Variants in LNX2 observed in about 807,000 individuals in gnomAD.
The protein encoded by LNX2 is ligand of numb-protein X 2.
LNX2 carries 35 observed loss-of-function variants against 66.2 expected under a neutral mutation model. That is an observed-to-expected ratio of 0.53 (90% CI 0.40 to 0.70). The LOEUF (loss-of-function observed/expected upper bound fraction) is 0.70. LNX2 is among the 30% of genes least tolerant of loss of function. The pLI, the probability that LNX2 is intolerant of heterozygous loss-of-function variation, is 0.00. For synonymous variants in LNX2, 337 were observed against 315.6 expected (o/e 1.07, Z -0.72); for missense variants, 791 against 850.8 (o/e 0.93, Z 0.87).
Position 27,559,938 on chromosome 13 carries a change from G to A in LNX2, c.1272C>T (p.Pro424=), listed in dbSNP as rs552604391. Residue 424 remains proline, a synonymous_variant, in exon 6 of 10, where the codon CCC becomes CCT. Transcript: ENST00000316334. ...VNLTIARPGK[P]QPGNTIREAG... is the part of the protein sequence containing the mutation. ...CTTCTCTAATGGTGTTACCAGGCTG[G>A]GGTTTCCCTGGTCTAGCAATTGTTA... 8.7e-6 allele frequency: 14 copies of A among 1,610,664 alleles called. No individual in the cohort carries two copies. The African/African-American group carries it at 1.5e-4, about 17-fold the overall frequency.
chr13:27,609,468 T>C (rs1955751744), intron 1 of LNX2, among the ~76,000 whole-genome samples: 1 of 152,228 alleles, frequency 6.6e-6, no homozygotes, highest in African/African-American at 2.4e-5. Context: ...GAGTGATTCT[T>C]TTTGAAGACA....
At chr13:27,591,233 TAAAAG>T (rs1232097522) in intron 1 of LNX2, among the ~76,000 whole-genome samples, 10 of 152,252 alleles carry the variant, frequency 6.6e-5, no homozygotes, top group African/African-American at 1.4e-4. Flanking sequence ...TGAGAAAACT[TAAAAG>T]AAAGAAAATA....
At chr13:27,574,484 C>T (rs1327414675) in intron 2 of LNX2, among the ~76,000 whole-genome samples, 1 of 151,056 alleles carries the variant, frequency 6.6e-6, no homozygotes, top group African/African-American at 2.4e-5. Flanking sequence ...AACTGGCAAA[C>T]TTGCAGATAG....
chr13:27,562,298 T>G (rs1193929632), intron 5 of LNX2, 115 bp downstream of exon 5: 1 of 1,332,028 alleles, frequency 7.5e-7, no homozygotes, highest in Non-Finnish European at 1.0e-6. Context: ...CACACCCGAT[T>G]TTCTAATGAA....
At chr13:27,610,703 G>A (rs1352995665) in intron 1 of LNX2, among the ~76,000 whole-genome samples, 1 of 152,052 alleles carries the variant, frequency 6.6e-6, no homozygotes, top group Non-Finnish European at 1.5e-5. Context: ...GAATGAAAAG[G>A]AGAAAATATT....
chr13:27,617,021 T>C (rs1171434501), intron 1 of LNX2, among the ~76,000 whole-genome samples: 1 of 152,212 alleles, frequency 6.6e-6, no homozygotes, highest in Non-Finnish European at 1.5e-5. Flanking sequence ...GTGCTAGAAT[T>C]ATAAGCGTGA....
intron 1 of LNX2, among the ~76,000 whole-genome samples, chr13:27,605,055 ATT>A (rs1178004654): frequency 1.3e-5 from 2 of 152,290 alleles, no homozygotes; most frequent in South Asian, 2.1e-4. Flanking sequence ...AGTCAGGGTA[ATT>A]ATATGCTTTT....
chr13:27,585,114 C>T (rs1401852369), intron 1 of LNX2, among the ~76,000 whole-genome samples: 3 of 138,886 alleles, frequency 2.2e-5, no homozygotes, highest in African/African-American at 2.7e-5. Flanking sequence ...GGGTGAGACT[C>T]GGTCTCAGAA....
At chr13:27,593,563 C>CGT (rs1555269238) in intron 1 of LNX2, among the ~76,000 whole-genome samples, 14 of 115,564 alleles carry the variant, frequency 1.2e-4, no homozygotes, top group African/African-American at 3.8e-4. Flanking sequence ...CTGGCTGAAA[C>CGT]TTTTTTTTTT....
intron 7 of LNX2, among the ~76,000 whole-genome samples, chr13:27,555,970 G>A (rs1041483784): frequency 2.0e-5 from 3 of 152,106 alleles, no homozygotes; most frequent in South Asian, 4.1e-4. Context: ...TAATGCTAGA[G>A]GATCTTTTCC....
At chr13:27,561,181 G>A (rs1367113488) in intron 5 of LNX2, among the ~76,000 whole-genome samples, 1 of 152,118 alleles carries the variant, frequency 6.6e-6, no homozygotes, top group Admixed American at 6.5e-5. Context: ...CTGTGTATCT[G>A]TATTTTTCAC....
chr13:27,564,007 C>T (rs1301315836), intron 4 of LNX2, among the ~76,000 whole-genome samples: 1 of 152,178 alleles, frequency 6.6e-6, no homozygotes, highest in Non-Finnish European at 1.5e-5. Context: ...TAGAAAGCAG[C>T]TTCTAAAAAT....
rs1349338477 is a variant in LNX2, at chr13:27,550,538, T to C, written c.1779-47A>G. The stretch of plus-strand genomic sequence containing the variant: ...AAGAAAAAATTAACATGGAGGCTTT[T>C]ATAGCCGCTTATTTTTGTTATAACC... On this transcript the variant is annotated intron_variant, in intron 8 of 9. Coordinates refer to ENST00000316334, the MANE Select transcript of LNX2 (RefSeq NM_153371.4). The C allele has an allele frequency of 7.5e-6, 11 of 1,460,006 alleles. 1 individual carries two copies. Among genetic ancestry groups the C allele is most frequent in the Middle Eastern group, 1.8e-4 (1 of 5,624 alleles). 90.4% of individuals were successfully genotyped at this position (1,460,006 alleles called of 1,614,324 possible). A position where few individuals can be genotyped will look rare whatever the true frequency, so the allele number is the denominator to read the frequency against.
chr13:27,588,130 T>C (rs1044687653), intron 1 of LNX2, among the ~76,000 whole-genome samples: 10 of 151,548 alleles, frequency 6.6e-5, no homozygotes, highest in African/African-American at 2.4e-4. Flanking sequence ...AAAAAATTCA[T>C]GCAACTACCA....
intron 7 of LNX2, 107 bp from the exon 8 acceptor site, chr13:27,553,546 TGA>T: frequency 1.4e-6 from 1 of 705,410 alleles, no homozygotes; most frequent in Non-Finnish European, 2.5e-6. Context: ...CCAACTCTGA[TGA>T]GATAAGGTAT....
chr13:27,570,383 A>G (rs1045500307), intron 2 of LNX2, among the ~76,000 whole-genome samples: 2 of 152,258 alleles, frequency 1.3e-5, no homozygotes, highest in Non-Finnish European at 2.9e-5. Flanking sequence ...ACTAAAAGCT[A>G]TCGCTTAACT....
At chr13:27,609,438 G>T (rs1433090670) in intron 1 of LNX2, among the ~76,000 whole-genome samples, 1 of 146,782 alleles carries the variant, frequency 6.8e-6, no homozygotes, top group Non-Finnish European at 1.5e-5. Flanking sequence ...TTACAGGCGT[G>T]AGCCACTGCG....
At chr13:27,566,615 G>C (rs2138353263) in intron 4 of LNX2, among the ~76,000 whole-genome samples, 1 of 152,260 alleles carries the variant, frequency 6.6e-6, no homozygotes, top group Non-Finnish European at 1.5e-5. Context: ...AGATTTAAGG[G>C]AGGAGAGTTG....
At chr13:27,587,998 G>A (rs1282912785) in intron 1 of LNX2, among the ~76,000 whole-genome samples, 1 of 126,828 alleles carries the variant, frequency 7.9e-6, no homozygotes, top group South Asian at 2.4e-4. Context: ...TCCAGTCTGG[G>A]CAAGAGTGCG....
Sources: gnomAD v4.1 joint callset for allele counts (sites outside exome capture counted in the v4.1 genomes callset) on GRCh38, gnomAD v4.1.1 for gene constraint, MANE v1.5 for transcripts, NCBI Gene and HGNC (gene_info 2026-07-23, HGNC 2026-07-21) for gene names.